Variants in CUBN observed in about 807,000 individuals in gnomAD.
CUBN encodes cubilin.
CUBN carries 282 observed loss-of-function variants against 405.3 expected under a neutral mutation model. That is an observed-to-expected ratio of 0.70 (90% confidence interval 0.63 to 0.77). The LOEUF (loss-of-function observed/expected upper bound fraction) is 0.77. Among genes scored for constraint, CUBN ranks in the 30% least tolerant of loss-of-function variants. The probability of loss-of-function intolerance (pLI) is 0.00; values close to 1 mark genes in which losing one functional copy is unlikely to be tolerated. For synonymous variants in CUBN, 1,684 were observed against 1,617.0 expected (o/e 1.04, Z -0.99); for missense variants, 4,514 against 4,475.2 (o/e 1.01, Z -0.25).
At chr10:16,883,917 C>T (rs1441596743) in intron 56 of CUBN, among the ~76,000 whole-genome samples, 1 of 152,184 alleles carries the variant, frequency 6.6e-6, no homozygotes, top group Non-Finnish European at 1.5e-5. Context: ...TTTCTAAATT[C>T]CTCATTATCA....
At chr10:16,903,087 C>T (rs1159417943) in intron 51 of CUBN, among the ~76,000 whole-genome samples, 2 of 152,154 alleles carry the variant, frequency 1.3e-5, no homozygotes, top group Admixed American at 6.5e-5. Context: ...ATAAAACACA[C>T]ATCATGACAA....
At chr10:16,959,350 C>G (rs899348224) in intron 31 of CUBN, among the ~76,000 whole-genome samples, 2 of 152,104 alleles carry the variant, frequency 1.3e-5, no homozygotes, top group Non-Finnish European at 2.9e-5. Flanking sequence ...TATTCTCAGG[C>G]TTCGTGTGGT....
At chr10:17,073,516 A>G (rs1835785055) in intron 17 of CUBN, among the ~76,000 whole-genome samples, 1 of 140,060 alleles carries the variant, frequency 7.1e-6, no homozygotes, top group South Asian at 2.2e-4. Context: ...GCGTGATCTC[A>G]GTTCACCGCA....
chr10:17,049,702 C>T (rs1482155346), intron 22 of CUBN, among the ~76,000 whole-genome samples: 3 of 152,106 alleles, frequency 2.0e-5, no homozygotes, highest in Non-Finnish European at 2.9e-5. Flanking sequence ...GTCTGAAATG[C>T]TTTACCCTTT....
At chr10:16,888,102 T>C (rs1420595368) in intron 56 of CUBN, among the ~76,000 whole-genome samples, 1 of 152,170 alleles carries the variant, frequency 6.6e-6, no homozygotes, top group Non-Finnish European at 1.5e-5. Flanking sequence ...ATTTAGGATA[T>C]ATTGGTCACA....
chr10:17,046,731 C>T (rs765660906), intron 23 of CUBN, among the ~76,000 whole-genome samples: 2 of 152,040 alleles, frequency 1.3e-5, no homozygotes, highest in African/African-American at 2.4e-5. Context: ...TAATACCTTA[C>T]TTTATATTAT....
intron 40 of CUBN, among the ~76,000 whole-genome samples, chr10:16,929,869 G>C (rs1447278027): frequency 6.6e-6 from 1 of 152,132 alleles, no homozygotes; most frequent in Admixed American, 6.6e-5. Flanking sequence ...AGTGAGTTGA[G>C]TCTATTGATT....
At chr10:17,060,639 C>T (rs763380748) in intron 22 of CUBN, among the ~76,000 whole-genome samples, 67 of 152,128 alleles carry the variant, frequency 4.4e-4, no homozygotes, top group Non-Finnish European at 7.5e-4. Context: ...CTTTAAAAGA[C>T]GAATCGACTT....
At chr10:17,110,158 T>C (rs74117708) in intron 9 of CUBN, among the ~76,000 whole-genome samples, 10,488 of 152,178 alleles carry the variant, frequency 0.069, 563 homozygotes, top group East Asian at 0.22. Context: ...TGGGTAGTAA[T>C]TCGATTTAGA....
At chr10:17,122,340 G>T in intron 6 of CUBN, 1 of 261,438 alleles carries the variant, frequency 3.8e-6, no homozygotes, top group Non-Finnish European at 7.6e-6. Context: ...GTCACATTTT[G>T]ACATAGCATT....
intron 64 of CUBN, among the ~76,000 whole-genome samples, chr10:16,833,037 A>G (rs1839055405): frequency 6.6e-6 from 1 of 152,132 alleles, no homozygotes; most frequent in Non-Finnish European, 1.5e-5. Context: ...AGCTAGGAGG[A>G]GGAATTCTCA....
chr10:16,826,864 T>C (rs1011765819), intron 66 of CUBN, among the ~76,000 whole-genome samples: 1 of 152,174 alleles, frequency 6.6e-6, no homozygotes, highest in Non-Finnish European at 1.5e-5. Context: ...TGCAAGCCAC[T>C]GAAAACCATG....
chr10:16,833,432 T>A (rs1839069385), intron 64 of CUBN, among the ~76,000 whole-genome samples: 1 of 152,194 alleles, frequency 6.6e-6, no homozygotes, highest in African/African-American at 2.4e-5. Context: ...TGGCACTATA[T>A]GTTAAGGTTA....
chr10:17,022,747 C>T (rs1437596885), intron 27 of CUBN, among the ~76,000 whole-genome samples: 1 of 152,216 alleles, frequency 6.6e-6, no homozygotes, highest in Non-Finnish European at 1.5e-5. Flanking sequence ...CAGAAACAAA[C>T]ATACTGCTCC....
In CUBN at chr10:16,922,750, A is replaced by G. The variant is rs118128521; in HGVS notation, c.6646+2491T>C. Among the ~76,000 whole-genome samples the G allele has an allele frequency of 8.6e-4, 131 of 151,604 alleles. 1 individual carries two copies. In the East Asian group the frequency reaches 0.024, roughly 27 times the overall value. The stretch of plus-strand genomic sequence containing the variant: ...CACTGATGGGCAAATCTCTTCATCC[A>G]CTTCCCCTGGAACCCTCTCTGATGT... On this transcript the variant is annotated intron_variant, in intron 43 of 66. Coordinates refer to ENST00000377833, the MANE Select transcript of CUBN (RefSeq NM_001081.4).
At chr10:17,122,101 T>A (rs1299435471) in intron 6 of CUBN, 1 of 153,242 alleles carries the variant, frequency 6.5e-6, no homozygotes, top group South Asian at 2.1e-4. Context: ...TGGATATCCC[T>A]AGAGCATGAT....
At chr10:17,125,217 T>C (rs1837148587) in intron 4 of CUBN, among the ~76,000 whole-genome samples, 2 of 151,950 alleles carry the variant, frequency 1.3e-5, no homozygotes, top group South Asian at 4.1e-4. Context: ...ACATATATAT[T>C]ATATATGTGT....
chr10:16,825,009 C>T lies in CUBN; in HGVS notation c.10838G>A (p.Arg3613His), dbSNP rs148626202. The change falls in exon 67 of 67, where the codon CGT becomes CAT. Residue 3613 changes from arginine (R) to histidine (H), a missense_variant. Physicochemically the swap from Arg to His is conservative, Grantham distance 29. Transcript: ENST00000377833. ...CCAAGTTAATCGGAATGCGGATGGACGCCGTGCATAATCAGCATGAAATTT... is the reference window on the plus strand; with the variant it reads ...CCAAGTTAATCGGAATGCGGATGGATGCCGTGCATAATCAGCATGAAATTT... ...FIKFHADYAR[R>H]PSAFRLTWDS 6.1e-5 allele frequency: 98 copies of T among 1,613,634 alleles called. No homozygotes were observed. The highest frequency in any genetic ancestry group is 2.0e-4 in the African/African-American group (15 of 74,792).
At chr10:16,962,427 A>C (rs1843254372) in intron 31 of CUBN, among the ~76,000 whole-genome samples, 1 of 151,148 alleles carries the variant, frequency 6.6e-6, no homozygotes, top group Non-Finnish European at 1.5e-5. Flanking sequence ...AAGAAGTGAA[A>C]ATTTTCCAAC....
Sources: gnomAD v4.1 joint callset for allele counts (sites outside exome capture counted in the v4.1 genomes callset) on GRCh38, gnomAD v4.1.1 for gene constraint, MANE v1.5 for transcripts, NCBI Gene and HGNC (gene_info 2026-07-23, HGNC 2026-07-21) for gene names.